Variants in SHTN1 observed in about 807,000 individuals in gnomAD.
SHTN1 encodes shootin 1.
Under a neutral mutation model 83.1 loss-of-function variants are expected in SHTN1, and 42 were observed. That is an observed-to-expected ratio of 0.51 (90% CI 0.39 to 0.65). The LOEUF is 0.65. SHTN1 is among the 30% of genes least tolerant of loss of function. The probability of loss-of-function intolerance (pLI) is 0.00; values close to 1 mark genes in which losing one functional copy is unlikely to be tolerated. For missense variants in SHTN1, 622 were observed against 737.8 expected, an observed-to-expected ratio of 0.84 and a Z score of 1.82; for synonymous variants, 224 against 247.7, an observed-to-expected ratio of 0.90 and a Z score of 0.90.
intron 2 of SHTN1, among the ~76,000 whole-genome samples, chr10:117,039,753 T>G (rs1852556045): frequency 6.6e-6 from 1 of 150,636 alleles, no homozygotes; most frequent in Non-Finnish European, 1.5e-5. Flanking sequence ...CTCGGGAGGC[T>G]GAGGTGGGAG....
Position 116,982,976 on chromosome 10 carries a change from A to G in SHTN1, c.59-3668T>C, listed in dbSNP as rs190153725. On this transcript the variant is annotated intron_variant, in intron 1 of 16. Coordinates refer to ENST00000355371, the MANE Select transcript of SHTN1 (RefSeq NM_001127211.3). ...AGACTCTGTCTCAAAAAAAAAAAAG[A>G]ACAGATGAATCTGACCAATTCTCAG... 5.3e-5 allele frequency among the ~76,000 whole-genome samples: 8 copies of G among 152,150 alleles called. No individual in the cohort carries two copies. In the East Asian group the frequency reaches 1.6e-3, roughly 30 times the overall value.
chr10:117,026,353 G>A (rs899175869), intron 2 of SHTN1, among the ~76,000 whole-genome samples: 1 of 151,812 alleles, frequency 6.6e-6, no homozygotes, highest in African/African-American at 2.4e-5. Context: ...AGCAGAAAGA[G>A]TGGGAAGGAC....
intron 9 of SHTN1, among the ~76,000 whole-genome samples, chr10:116,938,802 T>C (rs950090709): frequency 5.3e-5 from 8 of 152,198 alleles, no homozygotes; most frequent in Admixed American, 2.6e-4. Flanking sequence ...CCCAGGGAGA[T>C]GGGAGTTTTA....
At chr10:117,109,365 C>A (rs1045793996) in intron 1 of SHTN1, among the ~76,000 whole-genome samples, 2 of 151,834 alleles carry the variant, frequency 1.3e-5, no homozygotes, top group African/African-American at 4.8e-5. Context: ...AGTAGACACT[C>A]AATACATGTA....
chr10:117,035,775 G>A (rs746306136), intron 2 of SHTN1, among the ~76,000 whole-genome samples: 4 of 150,966 alleles, frequency 2.6e-5, no homozygotes, highest in Admixed American at 6.6e-5. Context: ...GAGAAACCCC[G>A]TCTCTACTAA....
chr10:116,903,277 A>T (rs754332315), intron 15 of SHTN1, among the ~76,000 whole-genome samples: 47 of 152,260 alleles, frequency 3.1e-4, no homozygotes, highest in Non-Finnish European at 4.7e-4. Context: ...TCATGCCTGT[A>T]ATCCCAGCAC....
intron 1 of SHTN1, among the ~76,000 whole-genome samples, chr10:117,082,693 G>A (rs1407106053): frequency 6.7e-6 from 1 of 149,826 alleles, no homozygotes. Context: ...AGGTCACTCA[G>A]GACTTGCTTT....
At chr10:116,940,651 T>C (rs1201231037) in intron 8 of SHTN1, 39 bp from the exon 9 acceptor site, 1 of 1,508,196 alleles carries the variant, frequency 6.6e-7, no homozygotes, top group Non-Finnish European at 9.0e-7. Context: ...TATCAATCAA[T>C]CTCACATACC....
rs557352148 is a variant in SHTN1, at chr10:117,105,012, C to T, written c.-189+21295G>A. Reference sequence around the variant, plus strand: ...TCACCACCACACACCACTGCCCTTACCTCAAATGCGTACTCCTCCACGAAA... The same window carrying T: ...TCACCACCACACACCACTGCCCTTATCTCAAATGCGTACTCCTCCACGAAA... On this transcript the variant is annotated intron_variant, in intron 1 of 17. Transcript: ENST00000392901. 7.2e-5 allele frequency among the ~76,000 whole-genome samples: 11 copies of T among 151,984 alleles called. No individual in the cohort carries two copies. The South Asian group carries it at 2.3e-3, about 32-fold the overall frequency.
At chr10:116,961,560 T>C (rs906631165) in intron 3 of SHTN1, among the ~76,000 whole-genome samples, 1 of 152,092 alleles carries the variant, frequency 6.6e-6, no homozygotes, top group Non-Finnish European at 1.5e-5. Context: ...ATTATCAACA[T>C]TACTACTGCA....
At chr10:116,991,711 T>TC (rs2133514366) in intron 1 of SHTN1, among the ~76,000 whole-genome samples, 1 of 152,236 alleles carries the variant, frequency 6.6e-6, no homozygotes, top group African/African-American at 2.4e-5. Context: ...AGGTCTCACC[T>TC]CCAACATTAG....
chr10:117,069,568 C>G (rs758127939), intron 1 of SHTN1, among the ~76,000 whole-genome samples: 1 of 152,130 alleles, frequency 6.6e-6, no homozygotes, highest in Non-Finnish European at 1.5e-5. Flanking sequence ...AGGATTCAAA[C>G]CAGATAATAT....
intron 2 of SHTN1, among the ~76,000 whole-genome samples, chr10:117,046,904 AT>A (rs1008181379): frequency 1.3e-5 from 2 of 152,104 alleles, no homozygotes; most frequent in African/African-American, 2.4e-5. Flanking sequence ...GATAATGAAA[AT>A]ATTCTGAAAT....
chr10:116,925,998 C>T (rs747395582), intron 11 of SHTN1, among the ~76,000 whole-genome samples: 4 of 150,616 alleles, frequency 2.7e-5, no homozygotes, highest in Admixed American at 6.6e-5. Context: ...AAGCACTCCT[C>T]ACAAAAAAAA....
chr10:117,054,508 C>T (rs577595144), intron 1 of SHTN1, among the ~76,000 whole-genome samples: 1 of 151,366 alleles, frequency 6.6e-6, no homozygotes, highest in South Asian at 2.1e-4. Flanking sequence ...TGGGTTCACG[C>T]CATTCTCCTG....
intron 2 of SHTN1, among the ~76,000 whole-genome samples, chr10:117,016,479 T>C (rs1282631281): frequency 6.6e-6 from 1 of 152,244 alleles, no homozygotes; most frequent in African/African-American, 2.4e-5. Context: ...CAATCTCGGC[T>C]GTCTGCAACC....
intron 2 of SHTN1, among the ~76,000 whole-genome samples, chr10:117,017,391 TGAGG>T (rs1407216488): frequency 6.8e-6 from 1 of 147,592 alleles, no homozygotes; most frequent in Non-Finnish European, 1.5e-5. Flanking sequence ...CTCGGGAGGC[TGAGG>T]AAGGAGAATG....
At chr10:117,014,311 G>C (rs1852149420) in intron 2 of SHTN1, among the ~76,000 whole-genome samples, 1 of 152,106 alleles carries the variant, frequency 6.6e-6, no homozygotes, top group African/African-American at 2.4e-5. Flanking sequence ...TAACAAGTCA[G>C]CCAAGATAGG....
At position 116,884,279 on chromosome 10, in the gene SHTN1, C is replaced by G. The variant is rs1054505499; in HGVS notation, c.*2065G>C. On this transcript the variant is annotated 3_prime_UTR_variant, in exon 17 of 17. Transcript: ENST00000355371. ...TTGACAGTGTCACCCCAGCCAGGGG[C>G]AAAACCCCCTCAAAACCAAAGTGAA... The G allele has an allele frequency of 2.2e-6, 1 of 458,942 alleles. No individual in the cohort carries two copies. The highest frequency in any genetic ancestry group is 4.4e-6 in the Non-Finnish European group (1 of 227,944). 28.4% of individuals were successfully genotyped at this position (458,942 alleles called of 1,614,324 possible).
Sources: allele counts gnomAD v4.1 joint callset (sites outside exome capture counted in the v4.1 genomes callset), GRCh38; gene constraint gnomAD v4.1.1; transcripts MANE v1.5; gene names NCBI Gene and HGNC (gene_info 2026-07-23, HGNC 2026-07-21).